The following CDK15 variants were observed in gnomAD, a reference collection of about 807,000 sequenced individuals.
CDK15 encodes the protein cyclin dependent kinase 15.
CDK15 carries 62 observed loss-of-function variants against 60.3 expected under a neutral mutation model. The ratio of observed to expected loss-of-function variants is 1.03; its 90% CI spans 0.84 to 1.27. CDK15 has a LOEUF of 1.27. CDK15 is among the 50% of genes most tolerant of loss of function. The pLI, the probability that CDK15 is intolerant of heterozygous loss-of-function variation, is 0.00. For missense variants in CDK15, 541 were observed against 527.8 expected (o/e 1.03, Z -0.25); for synonymous variants, 194 against 195.7 (o/e 0.99, Z 0.07).
intron 8 of CDK15, among the ~76,000 whole-genome samples, chr2:201,837,417 G>A (rs1410318074): frequency 9.2e-6 from 1 of 108,664 alleles, no homozygotes; most frequent in Non-Finnish European, 1.9e-5. Context: ...GGGGAGGGAG[G>A]GAGGGAGGGA....
At chr2:201,829,573 G>A (rs1696659409) in intron 6 of CDK15, among the ~76,000 whole-genome samples, 1 of 152,076 alleles carries the variant, frequency 6.6e-6, no homozygotes, top group Admixed American at 6.5e-5. Context: ...AGGTGATTAT[G>A]GGATGTACAG....
chr2:201,818,143 A>C (rs1696070714), intron 4 of CDK15, among the ~76,000 whole-genome samples: 1 of 152,034 alleles, frequency 6.6e-6, no homozygotes, highest in Non-Finnish European at 1.5e-5. Context: ...CTTATTGAGC[A>C]CCACATGCCA....
At position 201,806,721 on chromosome 2, in the gene CDK15, T is replaced by G; in HGVS notation, c.57T>G (p.Cys19Trp). The G allele has an allele frequency of 3.1e-6, 5 of 1,598,316 alleles. No individual in the cohort carries two copies. In the South Asian group the frequency reaches 5.5e-5, roughly 18 times the overall value. ...TVQPGCSCYH[C>W]SEGGEAHSCR... ...AGCCTGGATGCAGCTGCTACCATTG[T>G]TCAGAGGGAGGCGAGGCACACAGCT... Residue 19 changes from cysteine to tryptophan, a missense_variant, in exon 1 of 14, where the codon TGT becomes TGG. By Grantham distance (215) the Cys-to-Trp change is radical (BLOSUM62 -2). Transcript: ENST00000652192.
intron 8 of CDK15, among the ~76,000 whole-genome samples, chr2:201,836,533 C>T (rs578103434): frequency 1.4e-4 from 22 of 151,898 alleles, no homozygotes; most frequent in African/African-American, 3.4e-4. Flanking sequence ...TGAAGCAGTT[C>T]TCCCACTTCA....
intron 6 of CDK15, among the ~76,000 whole-genome samples, chr2:201,826,808 T>C (rs1696529433): frequency 6.6e-6 from 1 of 152,246 alleles, no homozygotes; most frequent in African/African-American, 2.4e-5. Context: ...TTTGCTCCAA[T>C]TGTAACTGTA....
chr2:201,812,934 C>T (rs971133226), intron 4 of CDK15, among the ~76,000 whole-genome samples: 3 of 152,104 alleles, frequency 2.0e-5, no homozygotes, highest in African/African-American at 7.2e-5. Context: ...CTGAACATAA[C>T]ATGTTGTTAG....
chr2:201,823,727 A>C lies in CDK15; in HGVS notation c.606A>C (p.Arg202Ser), dbSNP rs748169761. 1 of 1,613,500 alleles carries C rather than the reference A, an allele frequency of 6.2e-7. No individual in the cohort carries two copies. Among genetic ancestry groups the C allele is most frequent in the Non-Finnish European group, 8.5e-7 (1 of 1,179,614 alleles). ...GAGGGCTTCATCCTCATAATGTCAGAGTGAGTACGTTAAGGGTCAGGACCC... is the reference window on the plus strand; with the variant it reads ...GAGGGCTTCATCCTCATAATGTCAGCGTGAGTACGTTAAGGGTCAGGACCC... ...HPGGLHPHNVRLFMFQLLRGL... is the reference protein window; with the variant it reads ...HPGGLHPHNVSLFMFQLLRGL... Residue 202 changes from arginine to serine, a missense_variant and splice_region_variant, in exon 6 of 14, where the codon AGA becomes AGC. Arg to Ser is a moderately radical substitution (Grantham distance 110, BLOSUM62 -1). Transcript: ENST00000652192.
chr2:201,820,670 C>T (rs1164593891), intron 4 of CDK15, among the ~76,000 whole-genome samples: 1 of 152,144 alleles, frequency 6.6e-6, no homozygotes, highest in Non-Finnish European at 1.5e-5. Flanking sequence ...AAATTAAGTG[C>T]TTACTCTCGG....
In CDK15 at chr2:201,826,458, C is replaced by CAAAAA. The variant is rs373198183; in HGVS notation, c.606+2750_606+2754dup. ...TGGGCGACAGAGTGAGACTGCGTCT[C>CAAAAA]AAAAAAAAAAAAAAAAAAAAAAAGT... On this transcript the variant is annotated intron_variant, in intron 6 of 13. Transcript: ENST00000652192. Among the ~76,000 whole-genome samples the CAAAAA allele has an allele frequency of 3.9e-3, 301 of 77,538 alleles. 6 individuals are homozygous for CAAAAA. The highest frequency in any genetic ancestry group is 0.014 in the Middle Eastern group (1 of 72). 50.9% of individuals were successfully genotyped at this position (77,538 alleles called of 152,430 possible). A position where few individuals can be genotyped will look rare whatever the true frequency, so the allele number is the denominator to read the frequency against.
intron 12 of CDK15, among the ~76,000 whole-genome samples, chr2:201,887,681 A>C (rs1024484090): frequency 3.3e-5 from 5 of 152,220 alleles, no homozygotes; most frequent in Non-Finnish European, 7.3e-5. Context: ...AATGAAGGGC[A>C]GGAGGGAAAG....
chr2:201,849,503 C>T (rs553980519), intron 9 of CDK15, among the ~76,000 whole-genome samples: 2 of 151,854 alleles, frequency 1.3e-5, no homozygotes, highest in South Asian at 4.2e-4. Flanking sequence ...GCGAGTAACT[C>T]TACAAGACTC....
At chr2:201,813,944 T>C (rs1416988545) in intron 4 of CDK15, among the ~76,000 whole-genome samples, 1 of 152,220 alleles carries the variant, frequency 6.6e-6, no homozygotes, top group Non-Finnish European at 1.5e-5. Flanking sequence ...CTGCATTAAC[T>C]AATGTACTTA....
At chr2:201,880,000 ACT>A (rs769809611) in intron 11 of CDK15, 26 bp from the exon 12 acceptor site, 25 of 1,608,512 alleles carry the variant, frequency 1.6e-5, no homozygotes, top group Middle Eastern at 1.7e-4. Context: ...TGCTGGAGAA[ACT>A]CTATTTTTCT....
chr2:201,873,675 C>T (rs895864867), intron 11 of CDK15, among the ~76,000 whole-genome samples: 1 of 152,256 alleles, frequency 6.6e-6, no homozygotes, highest in African/African-American at 2.4e-5. Context: ...CACCCATGGC[C>T]TCTGCGCCTT....
intron 10 of CDK15, among the ~76,000 whole-genome samples, 195 bp from the exon 11 acceptor site, chr2:201,872,083 C>T (rs1249761663): frequency 6.6e-6 from 1 of 152,014 alleles, no homozygotes; most frequent in Admixed American, 6.5e-5. Flanking sequence ...CATAATTCAA[C>T]CCATAATAGT....
chr2:201,867,394 G>T (rs545546655), intron 10 of CDK15, among the ~76,000 whole-genome samples: 1 of 152,278 alleles, frequency 6.6e-6, no homozygotes, highest in South Asian at 2.1e-4. Flanking sequence ...GGAGGCTGGG[G>T]CTGGAGGATT....
intron 1 of CDK15, 66 bp from the exon 2 acceptor site, chr2:201,807,428 G>T (rs891602542): frequency 2.0e-6 from 3 of 1,470,612 alleles, no homozygotes; most frequent in South Asian, 2.5e-5. Flanking sequence ...AAGAAAAAAT[G>T]GTTTTACCAG....
chr2:201,828,589 A>G (rs908209225), intron 6 of CDK15, among the ~76,000 whole-genome samples: 4 of 152,146 alleles, frequency 2.6e-5, no homozygotes, highest in African/African-American at 4.8e-5. Flanking sequence ...ACACACTAAT[A>G]AATAAAGGAA....
At chr2:201,810,546 C>T (rs149354947) in intron 3 of CDK15, among the ~76,000 whole-genome samples, 369 of 152,036 alleles carry the variant, frequency 2.4e-3, no homozygotes, top group African/African-American at 8.4e-3. Context: ...TCTATGAGTC[C>T]GTACTGATAT....
Sources: gnomAD v4.1 joint callset for allele counts (sites outside exome capture counted in the v4.1 genomes callset) on GRCh38, gnomAD v4.1.1 for gene constraint, MANE v1.5 for transcripts, NCBI Gene and HGNC (gene_info 2026-07-23, HGNC 2026-07-21) for gene names.